The following DDI2 variants were observed in gnomAD, a reference collection of about 807,000 sequenced individuals.
DDI2 encodes the protein protein DDI1 homolog 2.
Under a neutral mutation model 48.1 loss-of-function variants are expected in DDI2, and 5 were observed. The ratio of observed to expected loss-of-function variants is 0.10; its 90% confidence interval spans 0.05 to 0.22. The LOEUF (loss-of-function observed/expected upper bound fraction) is 0.22. Ranked by LOEUF, DDI2 falls within the 10% of genes least tolerant of loss-of-function variation. The pLI is 1.00. For synonymous variants in DDI2, 205 were observed against 183.6 expected (o/e 1.12, Z -0.94); for missense variants, 285 against 506.2 (o/e 0.56, Z 4.19).
intron 1 of DDI2, among the ~76,000 whole-genome samples, chr1:15,624,194 G>A (rs1441951776): frequency 1.3e-5 from 2 of 152,226 alleles, no homozygotes; most frequent in Non-Finnish European, 2.9e-5. Flanking sequence ...TCACAGTGTT[G>A]ATGCTATGCT....
Position 15,633,571 on chromosome 1 carries a change from G to T in DDI2, c.632+6G>T. On this transcript the variant is annotated splice_donor_region_variant and intron_variant, in intron 4 of 9. Coordinates refer to ENST00000480945, the MANE Select transcript of DDI2 (RefSeq NM_032341.5). ...AAGATAGAAGAAGATATAAGGTAAA[G>T]ACCTGTTCATCTAAAGAACAAAACT... 1 of 1,610,712 alleles carries T rather than the reference G, an allele frequency of 6.2e-7. No homozygotes were observed. The highest frequency in any genetic ancestry group is 8.5e-7 in the Non-Finnish European group (1 of 1,178,178).
chr1:15,654,909 G>A (rs1269316101), intron 8 of DDI2, among the ~76,000 whole-genome samples: 2 of 151,330 alleles, frequency 1.3e-5, no homozygotes, highest in Non-Finnish European at 2.9e-5. Flanking sequence ...GTGTTAATAT[G>A]AGGATATATT....
rs373938520 is a variant in DDI2 at position 15,660,895 on chromosome 1, G to T, written c.*1105G>T. 1.9e-6 allele frequency: 3 copies of T among 1,614,034 alleles called. No individual in the cohort carries two copies. Among genetic ancestry groups the T allele is most frequent in the Non-Finnish European group, 2.5e-6 (3 of 1,179,992 alleles). On this transcript the variant is annotated 3_prime_UTR_variant, in exon 10 of 10. Coordinates refer to ENST00000480945, the MANE Select transcript of DDI2 (RefSeq NM_032341.5). ...CTGTGGCAGTTGTCAGCCTTCTGTG[G>T]AGTCAGCAGAAGAATCTTGCCCGTC...
At chr1:15,652,878 C>T (rs1368263406) in intron 8 of DDI2, among the ~76,000 whole-genome samples, 1 of 150,492 alleles carries the variant, frequency 6.6e-6, no homozygotes, top group African/African-American at 2.4e-5. Flanking sequence ...GTGGCACACC[C>T]CCCGTAACCC....
In DDI2 at chr1:15,661,779, T is replaced by TC; in HGVS notation, c.*1990dup. 1 of 1,531,516 alleles carries TC rather than the reference T, an allele frequency of 6.5e-7. No individual in the cohort carries two copies. Among genetic ancestry groups the TC allele is most frequent in the South Asian group, 1.3e-5 (1 of 76,690 alleles). The allele number at this position is 1,531,516 out of a possible 1,614,324, so 94.9% of individuals were successfully genotyped here. ...TCCCTTTAAACAAAAGAAAGCTCTCTCTATATACACGCACACATACACACT... is the reference window on the plus strand; with the variant it reads ...TCCCTTTAAACAAAAGAAAGCTCTCTCCTATATACACGCACACATACACACT... On this transcript the variant is annotated 3_prime_UTR_variant, in exon 10 of 10. Coordinates refer to ENST00000480945, the MANE Select transcript of DDI2 (RefSeq NM_032341.5).
At chr1:15,643,370 G>T in intron 5 of DDI2, 152 bp from the exon 6 acceptor site, 1 of 1,017,548 alleles carries the variant, frequency 9.8e-7, no homozygotes, top group East Asian at 2.8e-5. Flanking sequence ...GAATTAGGCA[G>T]GCAGGGCACT....
chr1:15,617,700 G>A lies in DDI2; in HGVS notation c.30G>A (p.Arg10=). The change falls in exon 1 of 10, where the codon AGG becomes AGA. Residue 10 remains arginine (R), a synonymous_variant. Transcript: ENST00000480945. Reference sequence around the variant, plus strand: ...TGCTCACCGTGTACTGTGTGCGGAGGGACCTCTCCGAGGTGACCTTTTCCC... The same window carrying A: ...TGCTCACCGTGTACTGTGTGCGGAGAGACCTCTCCGAGGTGACCTTTTCCC... The part of the protein sequence containing the change: MLLTVYCVR[R]DLSEVTFSLQ... 6.2e-7 allele frequency: 1 copy of A among 1,608,500 alleles called. No homozygotes were observed. The highest frequency in any genetic ancestry group is 1.1e-5 in the South Asian group (1 of 90,392).
chr1:15,636,790 T>G (rs1639937460), intron 4 of DDI2, among the ~76,000 whole-genome samples: 1 of 152,226 alleles, frequency 6.6e-6, no homozygotes, highest in Admixed American at 6.5e-5. Context: ...GGGCAGATAG[T>G]AAATATTTTA....
chr1:15,626,719 T>C lies in DDI2; in HGVS notation c.189T>C (p.Ser63=). 2.5e-6 allele frequency: 4 copies of C among 1,614,210 alleles called. No individual in the cohort carries two copies. In the South Asian group the frequency reaches 3.3e-5, roughly 13 times the overall value. The change falls in exon 2 of 10, where the codon TCT becomes TCC. Residue 63 remains serine, a synonymous_variant. Transcript: ENST00000480945. ...PLTDNHRSLA[S]YGLKDGDVVI... is the part of the protein sequence containing the mutation. ...CAGACAACCACAGATCATTGGCTTC[T>C]TATGGCTTGAAAGATGGGGACGTTG...
intron 3 of DDI2, among the ~76,000 whole-genome samples, chr1:15,633,194 G>C (rs1479272544): frequency 6.6e-6 from 1 of 152,060 alleles, no homozygotes; most frequent in African/African-American, 2.4e-5. Flanking sequence ...CTCCCAAAGT[G>C]TCGAGATTAT....
intron 8 of DDI2, among the ~76,000 whole-genome samples, chr1:15,652,452 G>T (rs865785508): frequency 9.2e-5 from 7 of 76,394 alleles, no homozygotes; most frequent in African/African-American, 1.4e-4. Flanking sequence ...GCTCCGGAGG[G>T]GGGGGGGGGG....
At chr1:15,654,888 C>G (rs745433684) in intron 8 of DDI2, among the ~76,000 whole-genome samples, 1 of 150,498 alleles carries the variant, frequency 6.6e-6, no homozygotes, top group Non-Finnish European at 1.5e-5. Context: ...TCATCTTAGT[C>G]GTGATGCTGT....
rs548133438 is a variant in DDI2 at position 15,668,878 on chromosome 1, G to A, written c.*9088G>A. On this transcript the variant is annotated 3_prime_UTR_variant, in exon 10 of 10. Coordinates refer to ENST00000480945, the MANE Select transcript of DDI2 (RefSeq NM_032341.5). ...ATAGGACCTGTCTGAAACTGAGTGAGCTAGATGCATTTGGGTTTGAATTTT... is the reference window on the plus strand; with the variant it reads ...ATAGGACCTGTCTGAAACTGAGTGAACTAGATGCATTTGGGTTTGAATTTT... 1 of 152,330 alleles carries A rather than the reference G, an allele frequency of 6.6e-6. No individual in the cohort carries two copies. The highest frequency in any genetic ancestry group is 6.5e-5 in the Admixed American group (1 of 15,298). 9.4% of individuals were successfully genotyped at this position (152,330 alleles called of 1,614,324 possible).
chr1:15,651,793 T>C lies in DDI2; in HGVS notation c.1081T>C (p.Cys361Arg). 6.2e-7 allele frequency: 1 copy of C among 1,613,870 alleles called. No homozygotes were observed. Among genetic ancestry groups the C allele is most frequent in the African/African-American group, 1.3e-5 (1 of 74,952 alleles). Residue 361 changes from cysteine (C) to arginine (R), a missense_variant, in exon 8 of 10, where the codon TGT becomes CGT. Cys to Arg is a radical substitution (Grantham distance 180). This residue lies in a region of DDI2 where 66 missense variants were observed against 87.3 expected (regional missense o/e 0.76). Coordinates refer to ENST00000480945, the MANE Select transcript of DDI2 (RefSeq NM_032341.5). ...TCTTCCTGAGGGAGAGCTACCAGAG[T>C]GTGCCCGGTTGGCATATGGGGCTGG... ...TFLPEGELPE[C>R]ARLAYGAGRE... is the part of the protein sequence containing the mutation.
At chr1:15,627,809 G>T (rs1348561041) in intron 2 of DDI2, among the ~76,000 whole-genome samples, 1 of 152,214 alleles carries the variant, frequency 6.6e-6, no homozygotes, top group Non-Finnish European at 1.5e-5. Flanking sequence ...GAGTCTGGGT[G>T]ATGACAGACT....
intron 8 of DDI2, 77 bp from the exon 9 acceptor site, chr1:15,656,540 C>T (rs894910895): frequency 1.1e-5 from 18 of 1,611,590 alleles, no homozygotes; most frequent in East Asian, 2.2e-5. Context: ...GGCAAAAGAA[C>T]GGAAACTATA....
At chr1:15,659,754 G>A in intron 9 of DDI2, 83 bp from the exon 10 acceptor site, 1 of 1,399,738 alleles carries the variant, frequency 7.1e-7, no homozygotes, top group Non-Finnish European at 9.4e-7. Flanking sequence ...ATTCTACGCT[G>A]TTTAGATTTG....
chr1:15,630,526 C>T lies in DDI2; in HGVS notation c.470C>T (p.Pro157Leu). Residue 157 changes from proline to leucine, a missense_variant, in exon 3 of 10, where the codon CCA (proline) becomes CTA (leucine). Physicochemically the swap from Pro to Leu is moderately conservative, Grantham distance 98 (BLOSUM62 -3). Around this residue, in one of 3 missense-constraint regions of DDI2, gnomAD observed 149 missense variants for 236.5 expected, o/e 0.63. Coordinates refer to ENST00000480945, the MANE Select transcript of DDI2 (RefSeq NM_032341.5). ...CTGTCCTTGCTGAAGGAACGCAATC[C>T]ACCCCTGGCAGAAGCTCTGCTCAGT... is the stretch of plus-strand genomic sequence containing the variant. ...HELSLLKERN[P>L]PLAEALLSGD... is the part of the protein sequence containing the mutation. The T allele has an allele frequency of 1.9e-6, 3 of 1,614,098 alleles. No individual in the cohort carries two copies. Among genetic ancestry groups the T allele is most frequent in the Non-Finnish European group, 2.5e-6 (3 of 1,179,942 alleles).
chr1:15,622,912 G>A (rs745536167), intron 1 of DDI2, among the ~76,000 whole-genome samples: 39 of 152,202 alleles, frequency 2.6e-4, no homozygotes, highest in African/African-American at 7.5e-4. Context: ...TCGTCAGTGT[G>A]AGGAACGTGT....
Sources: allele counts gnomAD v4.1 joint callset (sites outside exome capture counted in the v4.1 genomes callset), GRCh38; gene constraint gnomAD v4.1.1; regional missense constraint gnomAD v4.1.1; transcripts MANE v1.5; gene names NCBI Gene and HGNC (gene_info 2026-07-23, HGNC 2026-07-21).